TNIK: variants seen among roughly 807,000 people sequenced by gnomAD.
TNIK encodes the protein TRAF2 and NCK interacting kinase, also known as TRAF2 and NCK-interacting protein kinase.
TNIK carries 49 observed loss-of-function variants against 191.3 expected under a neutral mutation model. That is an observed-to-expected ratio of 0.26 (90% CI 0.20 to 0.32). TNIK has a LOEUF of 0.32. Among genes scored for constraint, TNIK ranks in the 10% least tolerant of loss-of-function variants. The pLI, the probability that TNIK is intolerant of heterozygous loss-of-function variation, is 1.00. For missense variants in TNIK, 1,155 were observed against 1,702.3 expected (o/e 0.68, Z 5.66); for synonymous variants, 594 against 600.9 (o/e 0.99, Z 0.17).
chr3:171,249,648 T>C (rs748721859), intron 2 of TNIK, among the ~76,000 whole-genome samples: 28 of 152,136 alleles, frequency 1.8e-4, no homozygotes, highest in Admixed American at 5.2e-4. Flanking sequence ...AAAAGACAAA[T>C]GAACAAATGT....
rs370867101 is a variant in TNIK at position 171,138,212 on chromosome 3, C to G, written c.1587G>C (p.Glu529Asp). 1.9e-6 allele frequency: 3 copies of G among 1,602,806 alleles called. No homozygotes were observed. The highest frequency in any genetic ancestry group is 2.6e-6 in the Non-Finnish European group (3 of 1,176,156). Residue 529 changes from glutamate to aspartate, a missense_variant, in exon 15 of 33, where the codon GAG (glutamate) becomes GAC (aspartate). Glu to Asp is a conservative substitution (Grantham distance 45, BLOSUM62 2). Transcript: ENST00000436636. ...TTACCTCCTTGGCCCATGCTGGCTTCTCACTAGGACTCATTCCTTCTTTGT... is the reference window on the plus strand; with the variant it reads ...TTACCTCCTTGGCCCATGCTGGCTTGTCACTAGGACTCATTCCTTCTTTGT... ...YHYKEGMSPS[E>D]KPAWAKEVEE...
intron 1 of TNIK, among the ~76,000 whole-genome samples, chr3:171,397,883 C>T (rs184796463): frequency 5.4e-4 from 82 of 152,150 alleles, no homozygotes; most frequent in Non-Finnish European, 9.7e-4. Context: ...ACAACACTTA[C>T]CAAAATAAAC....
At chr3:171,184,092 T>A (rs937835596) in intron 7 of TNIK, among the ~76,000 whole-genome samples, 2 of 152,068 alleles carry the variant, frequency 1.3e-5, no homozygotes, top group African/African-American at 2.4e-5. Context: ...TATTATAACC[T>A]CCGAATAAAC....
chr3:171,429,650 C>T (rs568341568), intron 1 of TNIK, among the ~76,000 whole-genome samples: 1 of 152,280 alleles, frequency 6.6e-6, no homozygotes, highest in Non-Finnish European at 1.5e-5. Context: ...CAGCAAGAAT[C>T]ACTTCTTCCT....
chr3:171,283,042 A>G (rs984315140), intron 2 of TNIK, among the ~76,000 whole-genome samples: 3 of 152,118 alleles, frequency 2.0e-5, no homozygotes, highest in Non-Finnish European at 4.4e-5. Flanking sequence ...GAAGATTCTT[A>G]TGAATAAGAA....
chr3:171,092,321 G>C (rs1199690711), intron 23 of TNIK, among the ~76,000 whole-genome samples: 1 of 152,150 alleles, frequency 6.6e-6, no homozygotes, highest in Non-Finnish European at 1.5e-5. Context: ...GGAGCCATTT[G>C]GATGTGGCTG....
chr3:171,255,004 T>G (rs1303657351), intron 2 of TNIK, among the ~76,000 whole-genome samples: 3 of 152,216 alleles, frequency 2.0e-5, no homozygotes, highest in Non-Finnish European at 4.4e-5. Context: ...TTCCAAAGAT[T>G]CAAAATTTTG....
At chr3:171,095,620 C>T (rs1411343263) in intron 22 of TNIK, among the ~76,000 whole-genome samples, 1 of 152,052 alleles carries the variant, frequency 6.6e-6, no homozygotes, top group African/African-American at 2.4e-5. Flanking sequence ...TGGAAACTTC[C>T]ATCTAAGAAA....
intron 18 of TNIK, among the ~76,000 whole-genome samples, chr3:171,113,033 T>C (rs1449820916): frequency 1.3e-5 from 2 of 152,218 alleles, no homozygotes; most frequent in African/African-American, 4.8e-5. Flanking sequence ...AGATTTTCAC[T>C]GAAGTAAATG....
chr3:171,109,618 T>C (rs1725530819), intron 19 of TNIK, among the ~76,000 whole-genome samples: 1 of 152,248 alleles, frequency 6.6e-6, no homozygotes, highest in Admixed American at 6.5e-5. Flanking sequence ...AAGGTTCTCA[T>C]GAGGCTTTCA....
chr3:171,116,150 A>C (rs1726659961), intron 18 of TNIK, among the ~76,000 whole-genome samples: 1 of 152,238 alleles, frequency 6.6e-6, no homozygotes, highest in Non-Finnish European at 1.5e-5. Context: ...CTTTTGGTAA[A>C]ACATGAGTAG....
chr3:171,434,845 T>C (rs865777894), intron 1 of TNIK, among the ~76,000 whole-genome samples: 2 of 152,174 alleles, frequency 1.3e-5, no homozygotes, highest in African/African-American at 4.8e-5. Context: ...TTATTATTGG[T>C]TATTATCTGA....
intron 5 of TNIK, among the ~76,000 whole-genome samples, chr3:171,192,920 C>A (rs919348898): frequency 6.6e-6 from 1 of 152,160 alleles, no homozygotes; most frequent in Non-Finnish European, 1.5e-5. Context: ...CTATCCCAAG[C>A]CATGGATGTA....
intron 27 of TNIK, among the ~76,000 whole-genome samples, chr3:171,081,704 T>C (rs1720703048): frequency 6.6e-6 from 1 of 151,646 alleles, no homozygotes; most frequent in Non-Finnish European, 1.5e-5. Context: ...TCTTTTTTTT[T>C]TTTTCCTATA....
chr3:171,268,305 G>C (rs73046982), intron 2 of TNIK, among the ~76,000 whole-genome samples: 6,165 of 152,076 alleles, frequency 0.041, 362 homozygotes, highest in African/African-American at 0.14. Flanking sequence ...CCTTTGCTAT[G>C]TGATCATCTT....
chr3:171,094,158 G>T (rs185138223), intron 22 of TNIK, among the ~76,000 whole-genome samples, 190 bp from the exon 23 acceptor site: 26 of 150,730 alleles, frequency 1.7e-4, no homozygotes, highest in Non-Finnish European at 3.5e-4. Context: ...TTTTTGAGAA[G>T]GAGTCTCGCC....
intron 1 of TNIK, among the ~76,000 whole-genome samples, chr3:171,379,542 T>C (rs923278782): frequency 7.2e-5 from 11 of 152,168 alleles, no homozygotes; most frequent in African/African-American, 2.7e-4. Flanking sequence ...CCCAACTGTG[T>C]GTTCAGAGAC....
chr3:171,122,453 A>G (rs374753563), intron 18 of TNIK, among the ~76,000 whole-genome samples: 121 of 152,286 alleles, frequency 7.9e-4, no homozygotes, highest in African/African-American at 2.9e-3. Context: ...CAGACAAGTC[A>G]CTGGAAAAAA....
chr3:171,267,825 C>T (rs1279696996), intron 2 of TNIK, among the ~76,000 whole-genome samples: 1 of 152,178 alleles, frequency 6.6e-6, no homozygotes, highest in Admixed American at 6.5e-5. Context: ...CTGTGAAACT[C>T]GTTCATTTAT....
Sources: allele counts gnomAD v4.1 joint callset (sites outside exome capture counted in the v4.1 genomes callset), GRCh38; gene constraint gnomAD v4.1.1; transcripts MANE v1.5; gene names NCBI Gene and HGNC (gene_info 2026-07-23, HGNC 2026-07-21).